The following ZC3HAV1 variants were observed in gnomAD, a reference collection of about 807,000 sequenced individuals.
ZC3HAV1 encodes zinc finger CCCH-type antiviral protein 1.
A neutral mutation model predicts 86.6 loss-of-function variants in ZC3HAV1; 41 were observed. The observed-to-expected ratio is 0.47, with a 90% CI of 0.37 to 0.61. The LOEUF is 0.61. ZC3HAV1 is among the 20% of genes least tolerant of loss of function. The pLI is 0.00. For missense variants in ZC3HAV1, 964 were observed against 1,141.1 expected (o/e 0.84, Z 2.24); for synonymous variants, 421 against 432.1 (o/e 0.97, Z 0.32).
rs566039074 is a variant in ZC3HAV1, at chr7:139,108,752, G to T, written c.308+272C>A. ...GATTCGTGCGGGCGGGCGGGGAAAG[G>T]GGTGGAGGTTGAGCCTGGTCTCCTC... On this transcript the variant is annotated intron_variant, in intron 1 of 12. Transcript: ENST00000242351. The surrounding 1 kb of genome is among the most constrained non-coding windows in gnomAD (Gnocchi z 4.2). Among the ~76,000 whole-genome samples, 1 of 152,236 alleles carries T rather than the reference G, an allele frequency of 6.6e-6. No individual in the cohort carries two copies. The highest frequency in any genetic ancestry group is 1.9e-4 in the East Asian group (1 of 5,196).
chr7:139,073,499 A>C (rs1463196107), intron 7 of ZC3HAV1, among the ~76,000 whole-genome samples: 3 of 151,768 alleles, frequency 2.0e-5, no homozygotes, highest in African/African-American at 4.8e-5. Flanking sequence ...TTATTTATTT[A>C]TTTATTTTGG....
intron 12 of ZC3HAV1, 96 bp from the exon 13 acceptor site, chr7:139,047,949 G>C: frequency 7.9e-7 from 1 of 1,271,900 alleles, no homozygotes. Flanking sequence ...TGTGGACTAA[G>C]CATATGTCAA....
intron 10 of ZC3HAV1, 69 bp downstream of exon 10, chr7:139,055,136 T>C (rs1197349404): frequency 4.1e-5 from 57 of 1,390,536 alleles, no homozygotes; most frequent in Non-Finnish European, 5.8e-5. Flanking sequence ...GACAAACACA[T>C]ACACTTGTAG....
chr7:139,075,704 T>C (rs1166301762), intron 6 of ZC3HAV1, among the ~76,000 whole-genome samples: 2 of 152,212 alleles, frequency 1.3e-5, no homozygotes, highest in South Asian at 2.1e-4. Context: ...CCTCCCAAAG[T>C]GCTAGGATTA....
intron 8 of ZC3HAV1, 151 bp from the exon 9 acceptor site, chr7:139,061,289 G>T: frequency 2.8e-6 from 2 of 721,398 alleles, no homozygotes; most frequent in Non-Finnish European, 4.4e-6. Flanking sequence ...GATGAGAATT[G>T]CTCACAGTAA....
Position 139,047,365 on chromosome 7 carries a change from C to T in ZC3HAV1, c.*229G>A, listed in dbSNP as rs990546045. On this transcript the variant is annotated 3_prime_UTR_variant, in exon 13 of 13. Transcript: ENST00000242351. ...AAAAAAAAAAAATACAACTGCCTGGCGCTGACGCCCAGAAATGATTTCATT... is the reference window on the plus strand; with the variant it reads ...AAAAAAAAAAAATACAACTGCCTGGTGCTGACGCCCAGAAATGATTTCATT... 1.8e-5 allele frequency: 9 copies of T among 508,074 alleles called. No homozygotes were observed. Among genetic ancestry groups the T allele is most frequent in the East Asian group, 7.8e-5 (2 of 25,716 alleles). The allele number at this position is 508,074 out of a possible 1,614,324, so 31.5% of individuals were successfully genotyped here.
intron 5 of ZC3HAV1, among the ~76,000 whole-genome samples, chr7:139,077,211 G>T (rs1056757878): frequency 2.0e-5 from 3 of 152,028 alleles, no homozygotes; most frequent in Admixed American, 6.6e-5. Flanking sequence ...CTTACTTCAC[G>T]CAGTTTTCCC....
In ZC3HAV1 at chr7:139,109,583, G is replaced by A. The variant is rs1412255544; in HGVS notation, c.-252C>T. 1.1e-5 allele frequency: 5 copies of A among 444,720 alleles called. No homozygotes were observed. The highest frequency in any genetic ancestry group is 4.2e-5 in the Admixed American group (1 of 23,604). The allele number at this position is 444,720 out of a possible 1,614,324, so 27.5% of individuals were successfully genotyped here. ...TACAGCCGGCCGCAAGGGCAACTGG[G>A]TGGAAAGAAAGAGAACGCGCGGGCA... is the stretch of plus-strand genomic sequence containing the variant. On this transcript the variant is annotated 5_prime_UTR_variant, in exon 1 of 13. Transcript: ENST00000242351.
chr7:139,101,494 C>T (rs6978421), intron 1 of ZC3HAV1, among the ~76,000 whole-genome samples: 2 of 36,996 alleles, frequency 5.4e-5, no homozygotes, highest in Admixed American at 3.8e-4. Context: ...GCCCGGCCAC[C>T]ACCCCGTCTG....
chr7:139,081,626 A>T (rs887157139), intron 3 of ZC3HAV1, among the ~76,000 whole-genome samples: 2 of 152,174 alleles, frequency 1.3e-5, no homozygotes, highest in African/African-American at 2.4e-5. Flanking sequence ...TCATTACATT[A>T]TCCTTCATTC....
chr7:139,104,982 G>A (rs1257018734), intron 1 of ZC3HAV1, among the ~76,000 whole-genome samples: 1 of 145,062 alleles, frequency 6.9e-6, no homozygotes, highest in Non-Finnish European at 1.5e-5. Flanking sequence ...GCAGCGAGCT[G>A]AGATCACGCC....
chr7:139,087,266 C>G (rs6959738), intron 2 of ZC3HAV1, among the ~76,000 whole-genome samples: 35,076 of 152,080 alleles, frequency 0.23, 5,047 homozygotes, highest in African/African-American at 0.39. Context: ...GCATTTTTCC[C>G]GTGCTGGTAG....
In ZC3HAV1 at chr7:139,045,154, T is replaced by C. The variant is rs936987414; in HGVS notation, c.*2440A>G. The C allele has an allele frequency of 6.6e-6, 1 of 152,174 alleles. No individual in the cohort carries two copies. Among genetic ancestry groups the C allele is most frequent in the African/African-American group, 2.4e-5 (1 of 41,446 alleles). The allele number at this position is 152,174 out of a possible 1,614,324, so 9.4% of individuals were successfully genotyped here. ...AATTTTTAATTTATTTCTAAAATTG[T>C]GTGTAGGTGGAGCATATTACCTCTG... On this transcript the variant is annotated 3_prime_UTR_variant, in exon 13 of 13. Transcript: ENST00000242351.
At chr7:139,049,125 C>CTTTTTTT (rs754435812) in intron 12 of ZC3HAV1, among the ~76,000 whole-genome samples, 1 of 125,428 alleles carries the variant, frequency 8.0e-6, no homozygotes, top group Non-Finnish European at 1.6e-5. Context: ...TCTCTCTCTC[C>CTTTTTTT]TTTTTTTTTT....
chr7:139,060,345 G>C, intron 9 of ZC3HAV1: 1 of 985,334 alleles, frequency 1.0e-6, no homozygotes, highest in Non-Finnish European at 1.2e-6. Flanking sequence ...AAATGTTCAT[G>C]AACAATGTAG....
intron 4 of ZC3HAV1, 88 bp from the exon 5 acceptor site, chr7:139,078,741 C>A (rs4732347): frequency 2.0e-6 from 2 of 986,320 alleles, no homozygotes; most frequent in Non-Finnish European, 2.9e-6. Context: ...GAAAGAATAT[C>A]TGAAATGGGG....
At chr7:139,052,810 T>A (rs1816173567) in intron 12 of ZC3HAV1, among the ~76,000 whole-genome samples, 1 of 151,710 alleles carries the variant, frequency 6.6e-6, no homozygotes, top group Non-Finnish European at 1.5e-5. Context: ...ACACCTGTTG[T>A]CCCAGTTACT....
At chr7:139,062,915 G>C (rs1816486274) in intron 8 of ZC3HAV1, among the ~76,000 whole-genome samples, 1 of 151,254 alleles carries the variant, frequency 6.6e-6, no homozygotes, top group South Asian at 2.1e-4. Context: ...TGTAGTCCCA[G>C]CTACTTGGGA....
At position 139,076,339 on chromosome 7, in the gene ZC3HAV1, G is replaced by T; in HGVS notation, c.1644C>A (p.Asp548Glu). 1 of 1,614,152 alleles carries T rather than the reference G, an allele frequency of 6.2e-7. No homozygotes were observed. Among genetic ancestry groups the T allele is most frequent in the Non-Finnish European group, 8.5e-7 (1 of 1,180,034 alleles). ...WQMLIGKTWTDFEHMETIEKG... is the reference protein window; with the variant it reads ...WQMLIGKTWTEFEHMETIEKG... Reference sequence around the variant, plus strand: ...TCTCGATCGTCTCCATGTGCTCAAAGTCCGTCCAGGTTTTACCAATAAGCA... The same window carrying T: ...TCTCGATCGTCTCCATGTGCTCAAATTCCGTCCAGGTTTTACCAATAAGCA... The change falls in exon 6 of 13, where the codon GAC becomes GAA. Residue 548 changes from aspartate to glutamate, a missense_variant. Transcript: ENST00000242351.
Sources: gnomAD v4.1 joint callset for allele counts (sites outside exome capture counted in the v4.1 genomes callset) on GRCh38, gnomAD v4.1.1 for gene constraint, Gnocchi (gnomAD v3.1) non-coding constraint, MANE v1.5 for transcripts, NCBI Gene and HGNC (gene_info 2026-07-23, HGNC 2026-07-21) for gene names.